The following ZHX3 variants were observed in gnomAD, a reference collection of about 807,000 sequenced individuals.
ZHX3 encodes the protein zinc fingers and homeoboxes 3.
In ZHX3, 20 loss-of-function variants were observed where a neutral mutation model predicts 64.5. That is an observed-to-expected ratio of 0.31 (90% CI 0.22 to 0.45). ZHX3 has a LOEUF of 0.45. Ranked by LOEUF, ZHX3 falls within the 20% of genes least tolerant of loss-of-function variation. The pLI is 1.00. For synonymous variants in ZHX3, 423 were observed against 461.6 expected (o/e 0.92, Z 1.07); for missense variants, 1,041 against 1,195.8 (o/e 0.87, Z 1.91).
intron 2 of ZHX3, among the ~76,000 whole-genome samples, chr20:41,264,047 T>A (rs1264384973): frequency 1.3e-5 from 2 of 152,134 alleles, no homozygotes; most frequent in Non-Finnish European, 2.9e-5. Context: ...GATGAGTTTT[T>A]AATCAAAAAT....
chr20:41,302,338 A>C (rs1486805286), intron 1 of ZHX3, among the ~76,000 whole-genome samples: 1 of 152,128 alleles, frequency 6.6e-6, no homozygotes, highest in Non-Finnish European at 1.5e-5. Flanking sequence ...AGCCTTTAAG[A>C]AGCTCACCAC....
At chr20:41,256,435 C>T (rs1043305509) in intron 2 of ZHX3, among the ~76,000 whole-genome samples, 2 of 151,998 alleles carry the variant, frequency 1.3e-5, no homozygotes, top group African/African-American at 4.8e-5. Context: ...TGACTTAATA[C>T]CAACTAAACT....
At chr20:41,253,960 C>T (rs140459993) in intron 2 of ZHX3, among the ~76,000 whole-genome samples, 1 of 152,050 alleles carries the variant, frequency 6.6e-6, no homozygotes, top group East Asian at 1.9e-4. Flanking sequence ...GAAAAAAATT[C>T]CTACCAAAAA....
chr20:41,210,064 G>A (rs575526524), intron 2 of ZHX3, among the ~76,000 whole-genome samples: 1 of 152,296 alleles, frequency 6.6e-6, no homozygotes, highest in East Asian at 1.9e-4. Flanking sequence ...CTCAAAAGAA[G>A]ACATTTATGC....
intron 2 of ZHX3, among the ~76,000 whole-genome samples, chr20:41,209,300 A>C (rs1600785130): frequency 2.0e-5 from 3 of 152,360 alleles, no homozygotes; most frequent in Admixed American, 2.0e-4. Flanking sequence ...ATCCCCATCA[A>C]GCTACCAATG....
At chr20:41,251,508 A>C (rs932422533) in intron 2 of ZHX3, among the ~76,000 whole-genome samples, 3 of 152,232 alleles carry the variant, frequency 2.0e-5, no homozygotes, top group Non-Finnish European at 4.4e-5. Flanking sequence ...AGTAACCCAG[A>C]GAAAGACAAG....
intron 2 of ZHX3, among the ~76,000 whole-genome samples, chr20:41,236,290 C>G (rs2040982494): frequency 6.6e-6 from 1 of 152,128 alleles, no homozygotes; most frequent in Admixed American, 6.5e-5. Context: ...TCATATGGAA[C>G]CAAAAAAGAG....
rs1042385626 is a variant in ZHX3 at position 41,232,880 on chromosome 20, C to T, written c.-150-27814G>A. Among the ~76,000 whole-genome samples, 2 of 152,156 alleles carry T rather than the reference C, an allele frequency of 1.3e-5. No homozygotes were observed. The highest frequency in any genetic ancestry group is 4.8e-5 in the African/African-American group (2 of 41,436). ...GATTACAGGCATGAGCCACCACGCC[C>T]GGCTGGAAAATTCTTGATATGTATC... On this transcript the variant is annotated intron_variant, in intron 2 of 3. Coordinates refer to ENST00000683867, the MANE Select transcript of ZHX3 (RefSeq NM_001384317.1). The surrounding 1 kb of genome is among the most constrained non-coding windows in gnomAD (Gnocchi z 5.0).
rs146183892 is a variant in ZHX3 at position 41,260,456 on chromosome 20, G to T, written c.-151+8534C>A. Among the ~76,000 whole-genome samples, 423 of 152,258 alleles carry T rather than the reference G, an allele frequency of 2.8e-3. 4 individuals carry two copies. The highest frequency in any genetic ancestry group is 0.01 in the Middle Eastern group (3 of 294). On this transcript the variant is annotated intron_variant, in intron 2 of 3. Transcript: ENST00000683867. ...ATGGGGTAGATGAGGTCACATAGTG[G>T]ACACTTGAACTCCAGATGTCACTTC...
chr20:41,196,478 T>TTATAA (rs2037623472), intron 3 of ZHX3, among the ~76,000 whole-genome samples: 1 of 278 alleles, frequency 3.6e-3, no homozygotes, highest in African/African-American at 6.3e-3. Flanking sequence ...TATATATTTA[T>TTATAA]ATATTATAAA....
chr20:41,243,974 G>A (rs543438876), intron 2 of ZHX3, among the ~76,000 whole-genome samples: 2 of 152,072 alleles, frequency 1.3e-5, no homozygotes, highest in Non-Finnish European at 2.9e-5. Context: ...CAAACACTAA[G>A]GGATTCGTGG....
chr20:41,232,143 CGAA>C lies in ZHX3; in HGVS notation c.-150-27080_-150-27078del, dbSNP rs1002203444. On this transcript the variant is annotated intron_variant, in intron 2 of 3. Coordinates refer to ENST00000683867, the MANE Select transcript of ZHX3 (RefSeq NM_001384317.1). The surrounding 1 kb of genome is among the most constrained non-coding windows in gnomAD (Gnocchi z 5.0). ...GATTTATGGGTAATGGCCACAGAAACGAAGACAATTTTGCCTAGGCAAGAGAAA... is the reference window on the plus strand; with the variant it reads ...GATTTATGGGTAATGGCCACAGAAACGACAATTTTGCCTAGGCAAGAGAAA... Among the ~76,000 whole-genome samples, 59 of 152,060 alleles carry C rather than the reference CGAA, an allele frequency of 3.9e-4. 1 individual carries two copies. Among genetic ancestry groups the C allele is most frequent in the Non-Finnish European group, 1.0e-4 (7 of 67,998 alleles).
intron 1 of ZHX3, among the ~76,000 whole-genome samples, chr20:41,270,428 C>G (rs1156503334): frequency 6.7e-6 from 1 of 150,066 alleles, no homozygotes; most frequent in African/African-American, 2.5e-5. Flanking sequence ...GTAATCCCAG[C>G]ACTTTGGGAG....
intron 2 of ZHX3, among the ~76,000 whole-genome samples, chr20:41,210,185 T>A (rs1176495236): frequency 2.0e-5 from 3 of 152,148 alleles, no homozygotes; most frequent in Non-Finnish European, 4.4e-5. Flanking sequence ...ACCATTAAAA[T>A]GTCAGGAAAC....
At chr20:41,275,715 C>G (rs189270525) in intron 1 of ZHX3, among the ~76,000 whole-genome samples, 9 of 152,330 alleles carry the variant, frequency 5.9e-5, no homozygotes, top group African/African-American at 2.2e-4. Flanking sequence ...ATGGAGAGGA[C>G]TTCCTATTCT....
At chr20:41,196,548 AAT>A (rs1269880085) in intron 3 of ZHX3, 1 of 56,976 alleles carries the variant, frequency 1.8e-5, no homozygotes, top group Non-Finnish European at 3.2e-5. Context: ...TATTATATAT[AAT>A]ATATATTATA....
At chr20:41,297,779 G>A (rs113697595) in intron 1 of ZHX3, among the ~76,000 whole-genome samples, 5 of 152,148 alleles carry the variant, frequency 3.3e-5, no homozygotes, top group Non-Finnish European at 7.4e-5. Flanking sequence ...TAATGACAAC[G>A]GCCATATTTT....
At chr20:41,248,412 A>G (rs572026340) in intron 2 of ZHX3, among the ~76,000 whole-genome samples, 2 of 152,316 alleles carry the variant, frequency 1.3e-5, no homozygotes, top group African/African-American at 4.8e-5. Flanking sequence ...TTACTTGGGA[A>G]ATGTTTGCAT....
At chr20:41,305,029 T>C (rs570177171) in intron 1 of ZHX3, among the ~76,000 whole-genome samples, 1 of 152,330 alleles carries the variant, frequency 6.6e-6, no homozygotes, top group African/African-American at 2.4e-5. Flanking sequence ...ATTACACAGA[T>C]AGAAGCATAT....
Sources: gnomAD v4.1 joint callset for allele counts (sites outside exome capture counted in the v4.1 genomes callset) on GRCh38, gnomAD v4.1.1 for gene constraint, Gnocchi (gnomAD v3.1) non-coding constraint, MANE v1.5 for transcripts, NCBI Gene and HGNC (gene_info 2026-07-23, HGNC 2026-07-21) for gene names.